The following EPB41 variants were observed in gnomAD, a reference collection of about 807,000 sequenced individuals.
The protein encoded by EPB41 is erythrocyte membrane protein band 4.1.
In EPB41, 65 loss-of-function variants were observed where a neutral mutation model predicts 108.0. The ratio of observed to expected loss-of-function variants is 0.60; its 90% CI spans 0.49 to 0.74. The LOEUF (loss-of-function observed/expected upper bound fraction) is 0.74. Ranked by LOEUF, EPB41 falls within the 30% of genes least tolerant of loss-of-function variation. EPB41 has a pLI of 0.00. For missense variants in EPB41, 875 were observed against 1,037.0 expected (o/e 0.84, Z 2.15); for synonymous variants, 336 against 358.9 (o/e 0.94, Z 0.72).
chr1:29,045,189 A>AT (rs1202305951), intron 11 of EPB41, among the ~76,000 whole-genome samples: 1 of 152,126 alleles, frequency 6.6e-6, no homozygotes, highest in Non-Finnish European at 1.5e-5. Flanking sequence ...CAGTTTGGAG[A>AT]TAATTGGTAT....
intron 1 of EPB41, among the ~76,000 whole-genome samples, chr1:28,972,741 A>G (rs1273131238): frequency 1.3e-5 from 2 of 150,260 alleles, no homozygotes; most frequent in Non-Finnish European, 2.9e-5. Context: ...CTGGGACTAC[A>G]GGCTCATGAA....
In EPB41 at chr1:29,030,464, G is replaced by A; in HGVS notation, c.1189G>A (p.Gly397Arg). 1 of 1,613,998 alleles carries A rather than the reference G, an allele frequency of 6.2e-7. No homozygotes were observed. Among genetic ancestry groups the A allele is most frequent in the Non-Finnish European group, 8.5e-7 (1 of 1,179,914 alleles). The change falls in exon 8 of 21, where the codon GGA (glycine) becomes AGA (arginine). Residue 397 changes from glycine to arginine, a missense_variant. Physicochemically the swap from Gly to Arg is moderately radical, Grantham distance 125. Transcript: ENST00000343067. ...GAATGCCAAAAAGTTGTCTATGTAT[G>A]GAGTTGATCTTCATAAAGCAAAGGT... ...LENAKKLSMY[G>R]VDLHKAKDLE...
rs377592025 is a variant in EPB41, at chr1:29,097,927, G to A, written c.2305G>A (p.Ala769Thr). 178 of 1,613,842 alleles carry A rather than the reference G, an allele frequency of 1.1e-4. No homozygotes were observed. The highest frequency in any genetic ancestry group is 1.4e-4 in the Non-Finnish European group (161 of 1,179,882). The change falls in exon 17 of 21, where the codon GCT (alanine) becomes ACT (threonine). Residue 769 changes from alanine (A) to threonine (T), a missense_variant. By Grantham distance (58) the Ala-to-Thr change is moderately conservative. Coordinates refer to ENST00000343067, the MANE Select transcript of EPB41 (RefSeq NM_001376013.1). ...HTETKTITYE[A>T]AQTDDNSGDL... The stretch of plus-strand genomic sequence containing the variant: ...TGAGACCAAGACCATCACTTATGAG[G>A]CTGCCCAGGTAGGACATGTTTTGAT...
intron 4 of EPB41, among the ~76,000 whole-genome samples, chr1:29,008,439 T>A (rs1160083984): frequency 6.6e-6 from 1 of 152,186 alleles, no homozygotes; most frequent in Non-Finnish European, 1.5e-5. Flanking sequence ...ATTATACATA[T>A]GAGAAAATTG....
intron 1 of EPB41, among the ~76,000 whole-genome samples, chr1:28,951,125 G>A (rs562588925): frequency 6.6e-5 from 10 of 152,182 alleles, no homozygotes; most frequent in African/African-American, 2.2e-4. Flanking sequence ...ATGAGCCACC[G>A]TGCCCAGCCC....
intron 1 of EPB41, among the ~76,000 whole-genome samples, chr1:28,958,819 C>CAAAAAAAAAAA (rs35105287): frequency 4.6e-4 from 30 of 65,534 alleles, no homozygotes; most frequent in Admixed American, 7.0e-4. Flanking sequence ...ACCCTGTCTC[C>CAAAAAAAAAAA]AAAAAAAAAA....
At chr1:28,934,413 C>A (rs1175817505) in intron 1 of EPB41, among the ~76,000 whole-genome samples, 2 of 152,114 alleles carry the variant, frequency 1.3e-5, no homozygotes, top group East Asian at 3.9e-4. Context: ...ATAGCCCACA[C>A]CTAAGGAGTG....
At chr1:28,959,340 C>T (rs540925509) in intron 1 of EPB41, among the ~76,000 whole-genome samples, 1 of 151,866 alleles carries the variant, frequency 6.6e-6, no homozygotes, top group South Asian at 2.1e-4. Context: ...CCTCAGCCTC[C>T]AAAGTAGCTG....
chr1:28,949,428 A>G (rs1163745737), intron 1 of EPB41, among the ~76,000 whole-genome samples: 2 of 152,166 alleles, frequency 1.3e-5, no homozygotes, highest in Non-Finnish European at 2.9e-5. Flanking sequence ...TGACAGAGTG[A>G]GACCCTGTCT....
chr1:29,053,217 G>A lies in EPB41; in HGVS notation c.1750G>A (p.Val584Ile). 1.2e-6 allele frequency: 2 copies of A among 1,614,140 alleles called. No individual in the cohort carries two copies. Among genetic ancestry groups the A allele is most frequent in the Admixed American group, 3.3e-5 (2 of 60,012 alleles). Residue 584 changes from valine (V) to isoleucine (I), a missense_variant, in exon 12 of 21, where the codon GTC becomes ATC. This residue lies in a region of EPB41 where 519 missense variants were observed against 627.3 expected (regional missense o/e 0.83). Transcript: ENST00000343067. ...AGATGCCTCTGCTAAAAAAACAGTG[G>A]TCCCTAAAGCACAGAAGGAAACAGT... ...VLDASAKKTV[V>I]PKAQKETVKA...
At chr1:28,951,550 A>G (rs2094722436) in intron 1 of EPB41, among the ~76,000 whole-genome samples, 1 of 152,144 alleles carries the variant, frequency 6.6e-6, no homozygotes, top group Non-Finnish European at 1.5e-5. Flanking sequence ...GGTACTATGC[A>G]CATTGTTTGA....
chr1:29,088,037 C>CT (rs1456996173), intron 16 of EPB41, among the ~76,000 whole-genome samples: 2 of 139,828 alleles, frequency 1.4e-5, no homozygotes, highest in Non-Finnish European at 3.1e-5. Flanking sequence ...TTTCCTTTTT[C>CT]TTTTTTTCTT....
At chr1:28,962,520 A>G (rs535004025) in intron 1 of EPB41, among the ~76,000 whole-genome samples, 7 of 152,240 alleles carry the variant, frequency 4.6e-5, no homozygotes, top group Admixed American at 2.6e-4. Context: ...ATCTTATTCC[A>G]GCACATTTTT....
intron 16 of EPB41, among the ~76,000 whole-genome samples, chr1:29,068,977 G>A (rs904683849): frequency 1.2e-4 from 18 of 152,164 alleles, no homozygotes; most frequent in African/African-American, 3.9e-4. Context: ...TGCAGCTTTC[G>A]ATTTGCTTAT....
chr1:29,009,012 T>G (rs1173787043), intron 4 of EPB41, among the ~76,000 whole-genome samples: 3 of 152,168 alleles, frequency 2.0e-5, no homozygotes, highest in Non-Finnish European at 4.4e-5. Flanking sequence ...TACCCTATGC[T>G]CTATCATAGC....
Position 29,011,927 on chromosome 1 carries a change from T to C in EPB41, c.829+20T>C. 1.2e-6 allele frequency: 2 copies of C among 1,613,600 alleles called. No homozygotes were observed. Among genetic ancestry groups the C allele is most frequent in the Non-Finnish European group, 8.5e-7 (1 of 1,179,618 alleles). ...TTCGTGGTAAGTGGATATAGCTCTT[T>C]TTATAGTTCTTTCTTTCTTTTAGTA... On this transcript the variant is annotated intron_variant, in intron 5 of 20. Coordinates refer to ENST00000343067, the MANE Select transcript of EPB41 (RefSeq NM_001376013.1).
intron 16 of EPB41, chr1:29,070,704 G>C (rs1230872877): frequency 6.5e-6 from 8 of 1,229,372 alleles, no homozygotes; most frequent in Non-Finnish European, 7.1e-6. Flanking sequence ...GATGCCCTCT[G>C]ATCTTGATAG....
chr1:29,105,743 CTT>C (rs63685960), intron 17 of EPB41, among the ~76,000 whole-genome samples: 32 of 91,092 alleles, frequency 3.5e-4, no homozygotes, highest in African/African-American at 3.8e-4. Context: ...ATGTACAGAT[CTT>C]TTTTTTTTTT....
intron 17 of EPB41, among the ~76,000 whole-genome samples, chr1:29,106,610 G>A (rs1667273015): frequency 9.7e-6 from 1 of 102,710 alleles, no homozygotes; most frequent in South Asian, 3.2e-4. Flanking sequence ...GTCTTCCTCT[G>A]TTACCCAGGC....
Sources: allele counts gnomAD v4.1 joint callset (sites outside exome capture counted in the v4.1 genomes callset), GRCh38; gene constraint gnomAD v4.1.1; regional missense constraint gnomAD v4.1.1; transcripts MANE v1.5; gene names NCBI Gene and HGNC (gene_info 2026-07-23, HGNC 2026-07-21).